The following ARID4B variants were observed in gnomAD, a reference collection of about 807,000 sequenced individuals.
The protein encoded by ARID4B is AT-rich interactive domain-containing protein 4B.
ARID4B carries 26 observed loss-of-function variants against 147.5 expected under a neutral mutation model. The ratio of observed to expected loss-of-function variants is 0.18; its 90% CI spans 0.13 to 0.24. ARID4B has a LOEUF of 0.24. Among genes scored for constraint, ARID4B ranks in the 10% least tolerant of loss-of-function variants. ARID4B has a pLI of 1.00. For synonymous variants in ARID4B, 512 were observed against 507.9 expected (o/e 1.01, Z -0.11); for missense variants, 1,179 against 1,511.5 (o/e 0.78, Z 3.65).
chr1:235,186,149 A>G (rs545057516), intron 19 of ARID4B, among the ~76,000 whole-genome samples: 4 of 152,050 alleles, frequency 2.6e-5, no homozygotes, highest in Admixed American at 6.6e-5. Flanking sequence ...TTTGTACTTT[A>G]GTAGAGACAG....
At chr1:235,257,925 A>G (rs530119584) in intron 3 of ARID4B, among the ~76,000 whole-genome samples, 1 of 152,372 alleles carries the variant, frequency 6.6e-6, no homozygotes, top group East Asian at 1.9e-4. Flanking sequence ...AATAATAAAC[A>G]GTAGCAGCAA....
intron 2 of ARID4B, among the ~76,000 whole-genome samples, chr1:235,280,058 G>C (rs747429692): frequency 1.3e-5 from 2 of 152,096 alleles, no homozygotes; most frequent in African/African-American, 2.4e-5. Context: ...AGTCCTGTGA[G>C]CGCACCTTGT....
At chr1:235,209,196 C>T (rs1666527449) in intron 17 of ARID4B, among the ~76,000 whole-genome samples, 1 of 152,130 alleles carries the variant, frequency 6.6e-6, no homozygotes, top group African/African-American at 2.4e-5. Context: ...TTATACAGGT[C>T]GGGCGCAGTG....
At chr1:235,325,666 G>A (rs1264894655) in intron 2 of ARID4B, among the ~76,000 whole-genome samples, 1 of 152,190 alleles carries the variant, frequency 6.6e-6, no homozygotes, top group Non-Finnish European at 1.5e-5. Flanking sequence ...GGTGATGAGA[G>A]TTATAGCTAG....
chr1:235,240,058 A>G (rs533572397), intron 8 of ARID4B, among the ~76,000 whole-genome samples: 1 of 152,252 alleles, frequency 6.6e-6, no homozygotes, highest in Admixed American at 6.5e-5. Context: ...TTGCATCATG[A>G]ATTTTCTACC....
chr1:235,238,636 A>C (rs1668777853), intron 8 of ARID4B, among the ~76,000 whole-genome samples: 1 of 152,188 alleles, frequency 6.6e-6, no homozygotes, highest in South Asian at 2.1e-4. Context: ...TGGGAAGGTC[A>C]CTTGAATCCA....
chr1:235,264,356 C>A (rs1670468814), intron 2 of ARID4B, among the ~76,000 whole-genome samples: 1 of 152,188 alleles, frequency 6.6e-6, no homozygotes, highest in Non-Finnish European at 1.5e-5. Flanking sequence ...AGACTTTACA[C>A]AGAAACCCAA....
At chr1:235,270,119 TA>T (rs925264744) in intron 2 of ARID4B, among the ~76,000 whole-genome samples, 1 of 152,152 alleles carries the variant, frequency 6.6e-6, no homozygotes, top group East Asian at 1.9e-4. Context: ...CCGTCTCTAC[TA>T]AACATACAAA....
At chr1:235,230,611 AAAAAACCAG>A (rs1558227028) in intron 10 of ARID4B, among the ~76,000 whole-genome samples, 3 of 132,718 alleles carry the variant, frequency 2.3e-5, no homozygotes, top group African/African-American at 8.6e-5. Flanking sequence ...AAAAAAAAAA[AAAAAACCAG>A]AAAAAAAAAG....
chr1:235,193,093 C>CAA (rs1055909221), intron 19 of ARID4B, among the ~76,000 whole-genome samples: 16 of 110,748 alleles, frequency 1.4e-4, no homozygotes, highest in East Asian at 7.6e-4. Flanking sequence ...GACTCCGTCT[C>CAA]AAAAAAAAAA....
chr1:235,176,872 T>C (rs1333725411), intron 21 of ARID4B: 1 of 470,970 alleles, frequency 2.1e-6, no homozygotes, highest in African/African-American at 2.0e-5. Context: ...AGGAGTCTCC[T>C]GGAAGAGCAG....
intron 8 of ARID4B, among the ~76,000 whole-genome samples, chr1:235,236,125 T>G (rs188682633): frequency 1.3e-5 from 2 of 152,124 alleles, no homozygotes; most frequent in African/African-American, 4.8e-5. Flanking sequence ...TAAAACACTT[T>G]GAATTTACTC....
intron 11 of ARID4B, chr1:235,228,618 A>C (rs530940601): frequency 6.8e-6 from 1 of 147,244 alleles, no homozygotes; most frequent in African/African-American, 2.5e-5. Flanking sequence ...TGCCTGGCCT[A>C]GATGGTAAGT....
At chr1:235,176,712 C>T in intron 21 of ARID4B, 2 of 384,290 alleles carry the variant, frequency 5.2e-6, no homozygotes, top group Non-Finnish European at 1.0e-5. Context: ...CCTTGCTGAG[C>T]ACAGCCGCCC....
intron 2 of ARID4B, among the ~76,000 whole-genome samples, chr1:235,307,602 A>G (rs1673671790): frequency 6.6e-6 from 1 of 152,232 alleles, no homozygotes; most frequent in African/African-American, 2.4e-5. Flanking sequence ...CCAGATTGTA[A>G]AACTTTTCTG....
In ARID4B at chr1:235,194,028, G is replaced by A. The variant is rs1307522720; in HGVS notation, c.2110C>T (p.Leu704Phe). 6.2e-7 allele frequency: 1 copy of A among 1,604,830 alleles called. No homozygotes were observed. The highest frequency in any genetic ancestry group is 1.7e-5 in the Admixed American group (1 of 59,840). Residue 704 changes from leucine (L) to phenylalanine (F), a missense_variant, in exon 19 of 24, where the codon CTT (leucine) becomes TTT (phenylalanine). By Grantham distance (22) the Leu-to-Phe change is conservative. This residue lies in a region of ARID4B where 321 missense variants were observed against 342.4 expected (regional missense o/e 0.94). Coordinates refer to ENST00000264183, the MANE Select transcript of ARID4B (RefSeq NM_016374.6). ...HIKSIEITSI[L>F]NGLQASESSA... ...TTATGTTTACCTTGAAGTCCATTAA[G>A]GATCGAAGTAATTTCTATGGACTTA...
intron 6 of ARID4B, among the ~76,000 whole-genome samples, chr1:235,248,224 G>GT (rs1669423924): frequency 6.6e-6 from 1 of 151,764 alleles, no homozygotes; most frequent in Non-Finnish European, 1.5e-5. Flanking sequence ...GCTAATTTTT[G>GT]TTTTTTGTAG....
At chr1:235,227,896 A>T (rs1490420351) in intron 11 of ARID4B, among the ~76,000 whole-genome samples, 2 of 147,936 alleles carry the variant, frequency 1.4e-5, no homozygotes, top group Non-Finnish European at 3.0e-5. Context: ...ACAATGGCGC[A>T]ATCTCAGCTC....
At chr1:235,250,904 C>T (rs954730346) in intron 6 of ARID4B, among the ~76,000 whole-genome samples, 1 of 152,116 alleles carries the variant, frequency 6.6e-6, no homozygotes, top group Non-Finnish European at 1.5e-5. Flanking sequence ...TTGGCTATTT[C>T]TCTAGACTAA....
Sources: allele counts gnomAD v4.1 joint callset (sites outside exome capture counted in the v4.1 genomes callset), GRCh38; gene constraint gnomAD v4.1.1; regional missense constraint gnomAD v4.1.1; transcripts MANE v1.5; gene names NCBI Gene and HGNC (gene_info 2026-07-23, HGNC 2026-07-21).